Variants in C2CD3 observed in about 807,000 individuals in gnomAD.
C2CD3 encodes C2 domain containing 3 centriole elongation regulator.
In C2CD3, 148 loss-of-function variants were observed where a neutral mutation model predicts 234.0. That is an observed-to-expected ratio of 0.63 (90% CI 0.55 to 0.72). C2CD3 has a LOEUF of 0.72. Ranked by LOEUF, C2CD3 falls within the 30% of genes least tolerant of loss-of-function variation. The probability of loss-of-function intolerance (pLI) is 0.00; values close to 1 mark genes in which losing one functional copy is unlikely to be tolerated. For synonymous variants in C2CD3, 1,000 were observed against 1,035.4 expected (o/e 0.97, Z 0.66); for missense variants, 2,577 against 2,811.5 (o/e 0.92, Z 1.89).
intron 26 of C2CD3, among the ~76,000 whole-genome samples, chr11:74,050,274 C>A (rs1953613236): frequency 6.6e-6 from 1 of 152,104 alleles, no homozygotes; most frequent in African/African-American, 2.4e-5. Context: ...TAATTAAGAA[C>A]AAAGTGATGC....
At chr11:74,147,974 ATAAAG>A (rs1272175085) in intron 3 of C2CD3, among the ~76,000 whole-genome samples, 1 of 152,218 alleles carries the variant, frequency 6.6e-6, no homozygotes, top group Non-Finnish European at 1.5e-5. Context: ...ATGGAGGTTA[ATAAAG>A]TACAGTACAA....
intron 2 of C2CD3, chr11:74,164,738 G>C (rs1343386729): frequency 1.3e-5 from 2 of 152,088 alleles, no homozygotes; most frequent in African/African-American, 4.8e-5. Context: ...ACATGTTTTT[G>C]CAATTGCCTT....
At position 74,124,795 on chromosome 11, in the gene C2CD3, A is replaced by G. The variant is rs1009947670; in HGVS notation, c.1218-1660T>C. ...TATACACTCCCCTTTGTATACCCTT[A>G]AAGTTATGAAAATTTTTCCAGTTGC... is the stretch of plus-strand genomic sequence containing the variant. On this transcript the variant is annotated intron_variant, in intron 7 of 32. Coordinates refer to ENST00000334126, the MANE Select transcript of C2CD3 (RefSeq NM_001286577.2). Among the ~76,000 whole-genome samples the G allele has an allele frequency of 3.3e-5, 5 of 152,266 alleles. No homozygotes were observed. In the South Asian group the frequency reaches 6.2e-4, roughly 19 times the overall value.
Position 74,114,572 on chromosome 11 carries a change from C to T in C2CD3, c.1542G>A (p.Met514Ile). 6.2e-7 allele frequency: 1 copy of T among 1,613,864 alleles called. No individual in the cohort carries two copies. Among genetic ancestry groups the T allele is most frequent in the Non-Finnish European group, 8.5e-7 (1 of 1,179,804 alleles). Residue 514 changes from methionine to isoleucine, a missense_variant, in exon 10 of 33, where the codon ATG becomes ATA. Physicochemically the swap from Met to Ile is conservative, Grantham distance 10. Coordinates refer to ENST00000334126, the MANE Select transcript of C2CD3 (RefSeq NM_001286577.2). ...KRNRNLVEQQ[M>I]LSETPEDAQT... The stretch of plus-strand genomic sequence containing the variant: ...GGGCATCTTCTGGAGTTTCTGAGAG[C>T]ATCTGTTGTTCAACCAAATTTCTGA...
intron 23 of C2CD3, 120 bp downstream of exon 23, chr11:74,077,995 C>T (rs1955150391): frequency 8.2e-7 from 1 of 1,222,202 alleles, no homozygotes; most frequent in Non-Finnish European, 1.1e-6. Flanking sequence ...GGGTATAATA[C>T]CTATCTCACA....
chr11:74,044,631 G>C (rs192523248), intron 28 of C2CD3, among the ~76,000 whole-genome samples: 11 of 152,184 alleles, frequency 7.2e-5, no homozygotes, highest in Admixed American at 7.2e-4. Context: ...GCTGAGGTTT[G>C]GGGTTTGAAT....
intron 18 of C2CD3, among the ~76,000 whole-genome samples, chr11:74,093,313 T>C (rs971259460): frequency 6.7e-6 from 1 of 148,650 alleles, no homozygotes; most frequent in Admixed American, 6.7e-5. Context: ...TATTTTATAA[T>C]ATAAATCAAA....
intron 3 of C2CD3, among the ~76,000 whole-genome samples, chr11:74,156,911 C>G (rs1326901102): frequency 6.6e-6 from 1 of 152,202 alleles, no homozygotes; most frequent in African/African-American, 2.4e-5. Flanking sequence ...GCAGAAGTTG[C>G]AGTGAGCAGA....
chr11:74,109,111 C>T lies in C2CD3; in HGVS notation c.1885G>A (p.Gly629Ser), dbSNP rs1018502631. 2 of 1,598,356 alleles carry T rather than the reference C, an allele frequency of 1.3e-6. No homozygotes were observed. Among genetic ancestry groups the T allele is most frequent in the East Asian group, 4.7e-5 (2 of 42,856 alleles). Residue 629 changes from glycine (G) to serine (S), a missense_variant, in exon 12 of 33, where the codon GGT becomes AGT. By Grantham distance (56) the Gly-to-Ser change is moderately conservative. Transcript: ENST00000334126. Reference sequence around the variant, plus strand: ...CACCAGTGCTCTATCATTGGGCCACCAAACTGTACTGGAAACACAAATCGC... The same window carrying T: ...CACCAGTGCTCTATCATTGGGCCACTAAACTGTACTGGAAACACAAATCGC... ...QQRFVFPVQF[G>S]GPMIEHWWNS... is the part of the protein sequence containing the mutation.
chr11:74,043,142 A>ATATATATAT, intron 28 of C2CD3, among the ~76,000 whole-genome samples: 1 of 152,336 alleles, frequency 6.6e-6, no homozygotes, highest in South Asian at 2.1e-4. Flanking sequence ...TACCCATTAG[A>ATATATATAT]ACCATTCTAC....
chr11:74,021,604 AAG>A (rs1952086437), intron 32 of C2CD3, among the ~76,000 whole-genome samples: 1 of 152,192 alleles, frequency 6.6e-6, no homozygotes. Flanking sequence ...TAAGTGAAGA[AAG>A]TGTTCAAAGG....
At chr11:74,094,073 A>G (rs1045406021) in intron 17 of C2CD3, 74 bp from the exon 18 acceptor site, 7 of 1,237,270 alleles carry the variant, frequency 5.7e-6, no homozygotes, top group Non-Finnish European at 8.1e-6. Flanking sequence ...ATGTTCTTCC[A>G]GTGAATATTA....
At chr11:74,042,297 CAAAT>C in intron 28 of C2CD3, 79 bp from the exon 29 acceptor site, 1 of 1,391,744 alleles carries the variant, frequency 7.2e-7, no homozygotes, top group Non-Finnish European at 9.8e-7. Context: ...TGACAATAAA[CAAAT>C]CACTATCCTG....
At chr11:74,041,925 C>T in intron 29 of C2CD3, 129 bp downstream of exon 29, 1 of 853,158 alleles carries the variant, frequency 1.2e-6, no homozygotes, top group Non-Finnish European at 1.8e-6. Flanking sequence ...TACTAACATG[C>T]AAAAGAGCCC....
chr11:74,025,010 G>A (rs1157349445), intron 32 of C2CD3, among the ~76,000 whole-genome samples: 6 of 152,032 alleles, frequency 3.9e-5, no homozygotes, highest in Non-Finnish European at 8.8e-5. Context: ...ATGTTGTTAA[G>A]GGCAACAAAG....
rs189930426 is a variant in C2CD3, at chr11:74,121,995, C to T, written c.1365+993G>A. 2.3e-3 allele frequency among the ~76,000 whole-genome samples: 353 copies of T among 152,230 alleles called. 1 individual carries two copies. The highest frequency in any genetic ancestry group is 8.2e-3 in the African/African-American group (342 of 41,542). Reference sequence around the variant, plus strand: ...TCTCGTTATTCCCTCTTCAGTCTGCCCCACTGTAGGGTTGCCAGACACAGA... The same window carrying T: ...TCTCGTTATTCCCTCTTCAGTCTGCTCCACTGTAGGGTTGCCAGACACAGA... On this transcript the variant is annotated intron_variant, in intron 8 of 32. Transcript: ENST00000334126.
chr11:74,095,240 A>G lies in C2CD3; in HGVS notation c.3148T>C (p.Phe1050Leu), dbSNP rs79373272. ...SQSSVLKGPE[F>L]LENGITLKPF... Reference sequence around the variant, plus strand: ...TATCTAAACCTACCATTTTCAAGGAACTCAGGTCCTTTCAGCACACTGGAT... The same window carrying G: ...TATCTAAACCTACCATTTTCAAGGAGCTCAGGTCCTTTCAGCACACTGGAT... The change falls in exon 17 of 33, where the codon TTC (phenylalanine) becomes CTC (leucine). Residue 1050 changes from phenylalanine (F) to leucine (L), a missense_variant. By Grantham distance (22) the Phe-to-Leu change is conservative. Transcript: ENST00000334126. 1,016 of 1,611,386 alleles carry G rather than the reference A, an allele frequency of 6.3e-4. 7 individuals are homozygous for G. The African/African-American group carries it at 0.012, about 19-fold the overall frequency.
intron 30 of C2CD3, 126 bp downstream of exon 30, chr11:74,037,351 AG>A: frequency 2.8e-6 from 2 of 719,286 alleles, no homozygotes; most frequent in Non-Finnish European, 4.8e-6. Context: ...AAAAAAAAAA[AG>A]GAAGAGGGTG....
intron 16 of C2CD3, among the ~76,000 whole-genome samples, chr11:74,095,964 A>C (rs1175635636): frequency 6.6e-6 from 1 of 152,228 alleles, no homozygotes; most frequent in African/African-American, 2.4e-5. Flanking sequence ...AGAATAGCAA[A>C]CAGGTACTAA....
Sources: allele counts gnomAD v4.1 joint callset (sites outside exome capture counted in the v4.1 genomes callset), GRCh38; gene constraint gnomAD v4.1.1; transcripts MANE v1.5; gene names NCBI Gene and HGNC (gene_info 2026-07-23, HGNC 2026-07-21).